SPCS2: variants seen among roughly 807,000 people sequenced by gnomAD.
SPCS2 encodes SPase 25 kDa subunit.
SPCS2 carries 3 observed loss-of-function variants against 22.3 expected under a neutral mutation model. The ratio of observed to expected loss-of-function variants is 0.13; its 90% CI spans 0.06 to 0.35. The LOEUF is 0.35. Ranked by LOEUF, SPCS2 falls within the 10% of genes least tolerant of loss-of-function variation. The pLI is 1.00. For synonymous variants in SPCS2, 67 were observed against 97.2 expected (o/e 0.69, Z 1.83); for missense variants, 169 against 280.9 (o/e 0.60, Z 2.85).
At chr11:74,975,704 G>A (rs1218352666) in intron 4 of SPCS2, among the ~76,000 whole-genome samples, 1 of 152,222 alleles carries the variant, frequency 6.6e-6, no homozygotes, top group Non-Finnish European at 1.5e-5. Flanking sequence ...GGGAGTTACT[G>A]CCTAGACCAA....
intron 1 of SPCS2, among the ~76,000 whole-genome samples, chr11:74,956,708 A>G (rs1948481361): frequency 6.6e-6 from 1 of 152,184 alleles, no homozygotes; most frequent in African/African-American, 2.4e-5. Flanking sequence ...GAATCTCTCC[A>G]GTAACTTCCC....
intron 1 of SPCS2, among the ~76,000 whole-genome samples, chr11:74,957,847 A>G (rs920516262): frequency 2.4e-4 from 37 of 152,242 alleles, no homozygotes; most frequent in African/African-American, 7.2e-4. Flanking sequence ...GATTATGCCA[A>G]CAATTCAGTC....
intron 1 of SPCS2, among the ~76,000 whole-genome samples, chr11:74,961,812 G>A (rs887156267): frequency 2.0e-5 from 3 of 152,168 alleles, no homozygotes; most frequent in Admixed American, 6.5e-5. Flanking sequence ...ATAGGTGTGA[G>A]CCACTGCACC....
chr11:74,965,272 G>T, intron 2 of SPCS2, 155 bp downstream of exon 2: 1 of 561,090 alleles, frequency 1.8e-6, no homozygotes, highest in South Asian at 2.5e-5. Flanking sequence ...GAAAAAGTCA[G>T]AGGAAGTGTG....
chr11:74,974,620 GT>G (rs1229410162), intron 4 of SPCS2, among the ~76,000 whole-genome samples: 2 of 151,922 alleles, frequency 1.3e-5, no homozygotes, highest in Admixed American at 1.3e-4. Flanking sequence ...TTCTTTTTTT[GT>G]TTTGTTTTTT....
chr11:74,953,070 T>C (rs1180349960), intron 1 of SPCS2, among the ~76,000 whole-genome samples: 1 of 152,164 alleles, frequency 6.6e-6, no homozygotes, highest in Non-Finnish European at 1.5e-5. Flanking sequence ...GAAACAGCTT[T>C]AGAGGATGGT....
chr11:74,955,457 G>T (rs199544013), intron 1 of SPCS2, among the ~76,000 whole-genome samples: 1 of 152,068 alleles, frequency 6.6e-6, no homozygotes, highest in African/African-American at 2.4e-5. Flanking sequence ...GAAAGAAACC[G>T]ATCACAAAAG....
chr11:74,949,305 A>C lies in SPCS2; in HGVS notation c.20A>C (p.Gln7Pro), dbSNP rs775454015. 3.9e-6 allele frequency: 6 copies of C among 1,549,242 alleles called. No individual in the cohort carries two copies. The change falls in exon 1 of 5, where the codon CAG becomes CCG. Residue 7 changes from glutamine (Q) to proline (P), a missense_variant. By Grantham distance (76) the Gln-to-Pro change is moderately conservative. Around this residue, in one of 2 missense-constraint regions of SPCS2, gnomAD observed 51 missense variants for 37.8 expected, o/e 1.35. Coordinates refer to ENST00000263672, the MANE Select transcript of SPCS2 (RefSeq NM_014752.3). MAAAAVQGGRSGGSGGC... is the reference protein window; with the variant it reads MAAAAVPGGRSGGSGGC... ...GACAAGATGGCGGCGGCAGCTGTAC[A>C]GGGCGGGAGAAGCGGTGGTAGCGGA...
chr11:74,950,192 T>C (rs1240775771), intron 1 of SPCS2, among the ~76,000 whole-genome samples: 1 of 152,238 alleles, frequency 6.6e-6, no homozygotes, highest in Admixed American at 6.5e-5. Flanking sequence ...GAGAACAACG[T>C]CCTGGTGTTG....
In SPCS2 at chr11:74,977,676, G is replaced by C. The variant is rs974400790; in HGVS notation, c.*633G>C. ...CTAGTATATCCCTGTTGATTTGTTT[G>C]TGCCTTTTATTAACTGCCATTTTCT... On this transcript the variant is annotated 3_prime_UTR_variant, in exon 5 of 5. Transcript: ENST00000263672. 9.2e-5 allele frequency: 14 copies of C among 152,466 alleles called. No individual in the cohort carries two copies. Among genetic ancestry groups the C allele is most frequent in the African/African-American group, 3.4e-4 (14 of 41,368 alleles). The allele number at this position is 152,466 out of a possible 1,614,324, so 9.4% of individuals were successfully genotyped here.
chr11:74,952,878 A>G (rs1708016189), intron 1 of SPCS2, among the ~76,000 whole-genome samples: 1 of 152,242 alleles, frequency 6.6e-6, no homozygotes, highest in African/African-American at 2.4e-5. Context: ...TTCCTCTAGC[A>G]CTTACACTGC....
chr11:74,964,946 C>A, intron 1 of SPCS2, 88 bp from the exon 2 acceptor site: 1 of 812,028 alleles, frequency 1.2e-6, no homozygotes, highest in Non-Finnish European at 2.0e-6. Context: ...ATTATATGTG[C>A]ATGAGGGATG....
chr11:74,978,146 T>C lies in SPCS2; in HGVS notation c.*1103T>C, dbSNP rs1323588589. ...CCGCTTTTCCAGTATTTTCCCAGTATGGTCAGAGAAGACCTGGGTGCTTGC... is the reference window on the plus strand; with the variant it reads ...CCGCTTTTCCAGTATTTTCCCAGTACGGTCAGAGAAGACCTGGGTGCTTGC... On this transcript the variant is annotated 3_prime_UTR_variant, in exon 5 of 5. Transcript: ENST00000263672. 1 of 152,246 alleles carries C rather than the reference T, an allele frequency of 6.6e-6. No individual in the cohort carries two copies. Among genetic ancestry groups the C allele is most frequent in the African/African-American group, 2.4e-5 (1 of 41,468 alleles). The allele number at this position is 152,246 out of a possible 1,614,324, so 9.4% of individuals were successfully genotyped here. A position where few individuals can be genotyped will look rare whatever the true frequency, so the allele number is the denominator to read the frequency against.
intron 4 of SPCS2, among the ~76,000 whole-genome samples, chr11:74,973,520 T>G (rs1309065189): frequency 6.6e-6 from 1 of 152,208 alleles, no homozygotes; most frequent in Non-Finnish European, 1.5e-5. Context: ...TGCAATAATT[T>G]CAGTTTTAAG....
At chr11:74,950,951 C>G (rs1350724842) in intron 1 of SPCS2, among the ~76,000 whole-genome samples, 1 of 152,194 alleles carries the variant, frequency 6.6e-6, no homozygotes, top group East Asian at 1.9e-4. Flanking sequence ...TTTGTGTACA[C>G]AAATCCTTCC....
chr11:74,949,664 C>T (rs1239171999), intron 1 of SPCS2: 7 of 514,392 alleles, frequency 1.4e-5, no homozygotes, highest in Non-Finnish European at 1.5e-5. Flanking sequence ...TTTGATTTTT[C>T]CTATATTTAA....
At position 74,969,685 on chromosome 11, in the gene SPCS2, C is replaced by T. The variant is rs1948569272; in HGVS notation, c.480C>T (p.Ser160=). Residue 160 remains serine, a synonymous_variant, in exon 4 of 5, where the codon TCC becomes TCT. Transcript: ENST00000263672. ...GMDPDDIWQL[S]SSLKRFDDKY... ...ATCCTGATGATATTTGGCAGCTGTC[C>T]TCCAGTCTTAAAAGGTATGACTATC... The T allele has an allele frequency of 1.9e-6, 3 of 1,613,698 alleles. No homozygotes were observed. The highest frequency in any genetic ancestry group is 2.5e-6 in the Non-Finnish European group (3 of 1,179,676).
intron 2 of SPCS2, 60 bp from the exon 3 acceptor site, chr11:74,965,703 A>G (rs1173726782): frequency 9.2e-6 from 13 of 1,413,566 alleles, no homozygotes; most frequent in Non-Finnish European, 1.1e-5. Flanking sequence ...AATCAAGAAT[A>G]AAAGCACATA....
Position 74,970,908 on chromosome 11 carries a change from A to G in SPCS2, c.494+1209A>G, listed in dbSNP as rs77803752. ...TTCACCCATTTAAAGTGTACAGTTC[A>G]AAAGTACCTAGTAGTATTTACAGAT... On this transcript the variant is annotated intron_variant, in intron 4 of 4. Coordinates refer to ENST00000263672, the MANE Select transcript of SPCS2 (RefSeq NM_014752.3). Among the ~76,000 whole-genome samples the G allele has an allele frequency of 9.1e-3, 1,394 of 152,358 alleles. 13 individuals carry two copies. Among genetic ancestry groups the G allele is most frequent in the Non-Finnish European group, 0.013 (870 of 68,026 alleles).
Sources: gnomAD v4.1 joint callset for allele counts (sites outside exome capture counted in the v4.1 genomes callset) on GRCh38, gnomAD v4.1.1 for gene constraint, gnomAD v4.1.1 regional missense constraint, MANE v1.5 for transcripts, NCBI Gene and HGNC (gene_info 2026-07-23, HGNC 2026-07-21) for gene names.